EMCN: variants seen among roughly 807,000 people sequenced by gnomAD.
The protein encoded by EMCN is MUC-14.
A neutral mutation model predicts 38.4 loss-of-function variants in EMCN; 37 were observed. That is an observed-to-expected ratio of 0.96 (90% CI 0.74 to 1.27). EMCN has a LOEUF of 1.27. Ranked by LOEUF, EMCN falls within the 50% of genes most tolerant of loss-of-function variation. The pLI is 0.00. For missense variants in EMCN, 318 were observed against 302.8 expected, an observed-to-expected ratio of 1.05 and a Z score of -0.37; for synonymous variants, 95 against 100.8, an observed-to-expected ratio of 0.94 and a Z score of 0.35.
At chr4:100,429,513 T>C (rs1727141454) in intron 5 of EMCN, among the ~76,000 whole-genome samples, 1 of 152,130 alleles carries the variant, frequency 6.6e-6, no homozygotes, top group East Asian at 1.9e-4. Flanking sequence ...TGACCTTACC[T>C]TTCTGACCTG....
rs112153429 is a variant in EMCN at position 100,430,240 on chromosome 4, G to A, written c.416-6836C>T. On this transcript the variant is annotated intron_variant, in intron 5 of 11. Coordinates refer to ENST00000296420, the MANE Select transcript of EMCN (RefSeq NM_016242.4). Reference sequence around the variant, plus strand: ...AACTGATGCCTTGAGAGATTCATTTGCCCAGGGCCCCACAGTAAGTAGGTG... The same window carrying A: ...AACTGATGCCTTGAGAGATTCATTTACCCAGGGCCCCACAGTAAGTAGGTG... Among the ~76,000 whole-genome samples the A allele has an allele frequency of 9.9e-3, 1,513 of 152,152 alleles. 27 individuals carry two copies. Among genetic ancestry groups the A allele is most frequent in the African/African-American group, 0.034 (1,431 of 41,512 alleles).
At chr4:100,492,701 C>G (rs907837986) in intron 1 of EMCN, among the ~76,000 whole-genome samples, 26 of 152,096 alleles carry the variant, frequency 1.7e-4, no homozygotes, top group Non-Finnish European at 8.8e-5. Flanking sequence ...CCCAATACAA[C>G]TATCAACATA....
chr4:100,511,610 G>T (rs2110311355), intron 1 of EMCN, among the ~76,000 whole-genome samples: 1 of 152,182 alleles, frequency 6.6e-6, no homozygotes, highest in Non-Finnish European at 1.5e-5. Flanking sequence ...TTAGAATATT[G>T]TTAAGCTTAT....
intron 5 of EMCN, among the ~76,000 whole-genome samples, chr4:100,440,052 A>G (rs1012473835): frequency 3.4e-5 from 5 of 148,350 alleles, no homozygotes; most frequent in African/African-American, 1.2e-4. Context: ...CATATGGCCT[A>G]TCCCAGGGAA....
rs1268669682 is a variant in EMCN at position 100,423,324 on chromosome 4, AG to A, written c.495del (p.Ser166HisfsTer5). Reference sequence around the variant, plus strand: ...ACAGATATCATACCTTGAGACTGTGAGGTGTTTTCTGGAATTGTAACTGGTA... The same window carrying A: ...ACAGATATCATACCTTGAGACTGTGAGTGTTTTCTGGAATTGTAACTGGTA... ...TSIPVTIPEN[T>X]SQSQVIGTEG... On this transcript the variant is annotated frameshift_variant, in exon 6 of 12. Coordinates refer to ENST00000296420, the MANE Select transcript of EMCN (RefSeq NM_016242.4). LOFTEE classifies it high-confidence loss of function. 4 of 1,611,308 alleles carry A rather than the reference AG, an allele frequency of 2.5e-6. No individual in the cohort carries two copies. Among genetic ancestry groups the A allele is most frequent in the Non-Finnish European group, 2.5e-6 (3 of 1,177,920 alleles).
At chr4:100,508,128 A>G (rs774846272) in intron 1 of EMCN, among the ~76,000 whole-genome samples, 12 of 152,192 alleles carry the variant, frequency 7.9e-5, no homozygotes, top group Non-Finnish European at 1.8e-4. Context: ...TAGATCTGGA[A>G]GAAATCTTTC....
chr4:100,514,053 A>G (rs1729693659), intron 1 of EMCN, among the ~76,000 whole-genome samples: 1 of 152,096 alleles, frequency 6.6e-6, no homozygotes, highest in Non-Finnish European at 1.5e-5. Flanking sequence ...TAATGTTACA[A>G]TGGGCAAGAT....
chr4:100,425,537 C>T (rs58931614), intron 5 of EMCN, among the ~76,000 whole-genome samples: 7,011 of 152,058 alleles, frequency 0.046, 571 homozygotes, highest in African/African-American at 0.16. Context: ...AGTTGCTTAA[C>T]CTCTATGTGC....
At chr4:100,477,490 C>T (rs1728693044) in intron 2 of EMCN, among the ~76,000 whole-genome samples, 1 of 152,210 alleles carries the variant, frequency 6.6e-6, no homozygotes, top group Non-Finnish European at 1.5e-5. Context: ...ACGTCTGCCA[C>T]TTCAGTGATT....
At chr4:100,515,246 C>G (rs1729722928) in intron 1 of EMCN, among the ~76,000 whole-genome samples, 1 of 152,216 alleles carries the variant, frequency 6.6e-6, no homozygotes, top group South Asian at 2.1e-4. Flanking sequence ...ATTAACTTCT[C>G]TCAGCCCTGA....
At chr4:100,492,505 G>A (rs1729108748) in intron 1 of EMCN, among the ~76,000 whole-genome samples, 1 of 152,144 alleles carries the variant, frequency 6.6e-6, no homozygotes, top group African/African-American at 2.4e-5. Context: ...AGTAATGGCT[G>A]AAAACTTCCC....
intron 10 of EMCN, among the ~76,000 whole-genome samples, chr4:100,413,887 C>T (rs181330112): frequency 3.3e-5 from 5 of 152,290 alleles, no homozygotes; most frequent in East Asian, 1.9e-4. Context: ...GGTGGGCCAA[C>T]GGTCTATTTA....
rs1349393718 is a variant in EMCN, at chr4:100,469,628, AGTTT to A, written c.260-4093_260-4090del. The stretch of plus-strand genomic sequence containing the variant: ...TGAATATGGTGTAAAGAAGGGGTAC[AGTTT>A]TAATCTTCTGCATATGGCTAGCCAA... On this transcript the variant is annotated intron_variant, in intron 3 of 11. Coordinates refer to ENST00000296420, the MANE Select transcript of EMCN (RefSeq NM_016242.4). Among the ~76,000 whole-genome samples the A allele has an allele frequency of 2.4e-4, 15 of 61,362 alleles. 1 individual carries two copies. Among genetic ancestry groups the A allele is most frequent in the South Asian group, 2.3e-3 (4 of 1,760 alleles). The allele number at this position is 61,362 out of a possible 152,430, so 40.3% of individuals were successfully genotyped here. A position where few individuals can be genotyped will look rare whatever the true frequency, so the allele number is the denominator to read the frequency against.
chr4:100,400,607 C>T (rs1056659), intron 11 of EMCN, among the ~76,000 whole-genome samples: 122,583 of 152,094 alleles, frequency 0.81, 49,544 homozygotes, highest in East Asian at 0.9. Flanking sequence ...TTAAGGTCTG[C>T]CACTTTTTGT....
intron 11 of EMCN, among the ~76,000 whole-genome samples, chr4:100,405,080 G>T (rs939543577): frequency 1.3e-5 from 2 of 152,026 alleles, no homozygotes; most frequent in Admixed American, 6.6e-5. Flanking sequence ...CCAAAACTTT[G>T]CTGAAGTTGT....
chr4:100,513,899 T>C (rs1729689808), intron 1 of EMCN, among the ~76,000 whole-genome samples: 1 of 152,158 alleles, frequency 6.6e-6, no homozygotes, highest in Admixed American at 6.5e-5. Flanking sequence ...GTAACAAATA[T>C]AGCCCTTACT....
intron 1 of EMCN, among the ~76,000 whole-genome samples, chr4:100,496,774 G>T (rs1729218132): frequency 6.6e-6 from 1 of 152,082 alleles, no homozygotes; most frequent in Non-Finnish European, 1.5e-5. Context: ...GCAGATTAGA[G>T]ATTTGAGTCA....
chr4:100,499,651 C>A (rs1729297701), intron 1 of EMCN, among the ~76,000 whole-genome samples: 1 of 152,152 alleles, frequency 6.6e-6, no homozygotes, highest in African/African-American at 2.4e-5. Context: ...AGCCTCGTGA[C>A]AAACCTTTTG....
chr4:100,454,973 G>A (rs1727969192), intron 4 of EMCN, among the ~76,000 whole-genome samples: 1 of 152,006 alleles, frequency 6.6e-6, no homozygotes. Flanking sequence ...TTGGGAAGAG[G>A]TTATGCTTTT....
Sources: gnomAD v4.1 joint callset for allele counts (sites outside exome capture counted in the v4.1 genomes callset) on GRCh38, gnomAD v4.1.1 for gene constraint, MANE v1.5 for transcripts, NCBI Gene and HGNC (gene_info 2026-07-23, HGNC 2026-07-21) for gene names.